SPATA17: variants seen among roughly 807,000 people sequenced by gnomAD.
SPATA17 encodes spermatogenesis-associated protein 17.
SPATA17 carries 53 observed loss-of-function variants against 62.2 expected under a neutral mutation model. The observed-to-expected ratio is 0.85, with a 90% confidence interval of 0.68 to 1.07. SPATA17 has a LOEUF of 1.07. Among genes scored for constraint, SPATA17 ranks in the 50% least tolerant of loss-of-function variants. The probability of loss-of-function intolerance (pLI) is 0.00; values close to 1 mark genes in which losing one functional copy is unlikely to be tolerated. For synonymous variants in SPATA17, 146 were observed against 146.8 expected, an observed-to-expected ratio of 0.99 and a Z score of 0.04; for missense variants, 466 against 425.5, an observed-to-expected ratio of 1.10 and a Z score of -0.84.
At chr1:217,689,382 CGCCCG>C (rs1671296954) in intron 5 of SPATA17, among the ~76,000 whole-genome samples, 1 of 151,804 alleles carries the variant, frequency 6.6e-6, no homozygotes, top group Non-Finnish European at 1.5e-5. Flanking sequence ...TGTGCCACCA[CGCCCG>C]GCTAATTTTC....
At chr1:217,642,049 T>G (rs963126506) in intron 1 of SPATA17, among the ~76,000 whole-genome samples, 1 of 152,170 alleles carries the variant, frequency 6.6e-6, no homozygotes, top group African/African-American at 2.4e-5. Flanking sequence ...ATTTTTCCCC[T>G]TGATTAGATT....
At chr1:217,677,357 A>T (rs1251034474) in intron 4 of SPATA17, among the ~76,000 whole-genome samples, 1 of 152,076 alleles carries the variant, frequency 6.6e-6, no homozygotes, top group African/African-American at 2.4e-5. Flanking sequence ...CAGATATATA[A>T]AGATTCGTCT....
intron 9 of SPATA17, among the ~76,000 whole-genome samples, chr1:217,806,643 G>A (rs1674442079): frequency 6.6e-6 from 1 of 152,132 alleles, no homozygotes; most frequent in African/African-American, 2.4e-5. Flanking sequence ...TGAAGTCCCT[G>A]AGTCCCATCA....
intron 1 of SPATA17, among the ~76,000 whole-genome samples, chr1:217,641,388 T>C (rs4634971): frequency 0.24 from 36,003 of 151,714 alleles, 4,421 homozygotes; most frequent in Middle Eastern, 0.29. Flanking sequence ...ATGTAGCAAA[T>C]TGTGACCCAC....
chr1:217,773,764 A>G (rs1426299060), intron 6 of SPATA17, among the ~76,000 whole-genome samples: 6 of 152,172 alleles, frequency 3.9e-5, no homozygotes. Context: ...ATAGTATTAT[A>G]GCCTATATTA....
intron 5 of SPATA17, among the ~76,000 whole-genome samples, chr1:217,698,579 T>TAAA (rs5780991): frequency 6.9e-6 from 1 of 144,980 alleles, no homozygotes; most frequent in Non-Finnish European, 1.5e-5. Context: ...CATGCAGTTA[T>TAAA]AAAAAAAAAA....
At position 217,774,825 on chromosome 1, in the gene SPATA17, G is replaced by A. The variant is rs529226188; in HGVS notation, c.723+288G>A. Among the ~76,000 whole-genome samples the A allele has an allele frequency of 2.6e-5, 4 of 152,186 alleles. 1 individual carries two copies. The highest frequency in any genetic ancestry group is 9.6e-5 in the African/African-American group (4 of 41,532). On this transcript the variant is annotated intron_variant, in intron 7 of 10. Transcript: ENST00000366933. ...TTCATCTATGTTGCAGAATATGTCCGAATTTCCTTCTTTCTTAAGGCTGAA... is the reference window on the plus strand; with the variant it reads ...TTCATCTATGTTGCAGAATATGTCCAAATTTCCTTCTTTCTTAAGGCTGAA...
chr1:217,709,322 T>C (rs1284876045), intron 5 of SPATA17, among the ~76,000 whole-genome samples: 4 of 152,180 alleles, frequency 2.6e-5, no homozygotes, highest in Non-Finnish European at 5.9e-5. Flanking sequence ...GAAGTCTCTT[T>C]TGAGGTTGTA....
In SPATA17 at chr1:217,870,027, C is replaced by T. The variant is rs1444931185; in HGVS notation, c.*3008C>T. On this transcript the variant is annotated 3_prime_UTR_variant, in exon 11 of 11. Coordinates refer to ENST00000366933, the MANE Select transcript of SPATA17 (RefSeq NM_138796.4). ...TGATGATTGGCTGTATGAAGATTTA[C>T]TATACAATTTTGTGTACTTTTGTAA... is the stretch of plus-strand genomic sequence containing the variant. 1 of 152,112 alleles carries T rather than the reference C, an allele frequency of 6.6e-6. No homozygotes were observed. The highest frequency in any genetic ancestry group is 1.5e-5 in the Non-Finnish European group (1 of 68,020). 9.4% of individuals were successfully genotyped at this position (152,112 alleles called of 1,614,324 possible).
intron 9 of SPATA17, among the ~76,000 whole-genome samples, chr1:217,849,987 C>A (rs571895890): frequency 5.0e-4 from 76 of 152,140 alleles, no homozygotes; most frequent in Middle Eastern, 3.4e-3. Context: ...TGTCTGTTTC[C>A]CAATATAAGT....
At chr1:217,806,487 A>C (rs576822313) in intron 9 of SPATA17, among the ~76,000 whole-genome samples, 3 of 152,158 alleles carry the variant, frequency 2.0e-5, no homozygotes, top group Non-Finnish European at 4.4e-5. Context: ...CTTTCCTTGA[A>C]TAGTGGTCCA....
chr1:217,762,194 C>A (rs1055964714), intron 6 of SPATA17, among the ~76,000 whole-genome samples: 10 of 152,244 alleles, frequency 6.6e-5, no homozygotes, highest in African/African-American at 1.9e-4. Context: ...CCTCAGTAAC[C>A]CCATCCACTT....
intron 4 of SPATA17, among the ~76,000 whole-genome samples, chr1:217,678,205 C>CTTTTTTTT (rs974715757): frequency 1.5e-4 from 16 of 107,546 alleles, no homozygotes; most frequent in South Asian, 3.1e-4. Flanking sequence ...CTTTTCTTTT[C>CTTTTTTTT]TTTTTTTTTT....
intron 3 of SPATA17, among the ~76,000 whole-genome samples, chr1:217,659,437 T>TA (rs1447915129): frequency 1.3e-5 from 2 of 152,200 alleles, no homozygotes; most frequent in Non-Finnish European, 2.9e-5. Flanking sequence ...GTGACTTTTA[T>TA]AAAATAATTT....
chr1:217,855,340 A>G (rs1049113798), intron 9 of SPATA17, among the ~76,000 whole-genome samples: 7 of 152,200 alleles, frequency 4.6e-5, no homozygotes. Context: ...CACTAGCTCT[A>G]TGATAAAACC....
chr1:217,713,983 G>T (rs1671935505), intron 5 of SPATA17, among the ~76,000 whole-genome samples: 1 of 152,158 alleles, frequency 6.6e-6, no homozygotes, highest in African/African-American at 2.4e-5. Context: ...AAAAAAATTT[G>T]CATCCAGCAG....
chr1:217,697,131 C>T (rs1166839642), intron 5 of SPATA17, among the ~76,000 whole-genome samples: 2 of 152,312 alleles, frequency 1.3e-5, no homozygotes, highest in South Asian at 2.1e-4. Flanking sequence ...GCCTCAGCCT[C>T]CTGCGTAGCT....
intron 9 of SPATA17, chr1:217,850,488 T>A (rs1675624565): frequency 6.7e-7 from 1 of 1,496,344 alleles, no homozygotes; most frequent in African/African-American, 1.4e-5. Flanking sequence ...CTCTTCTAGC[T>A]GCATGCCTGC....
chr1:217,816,839 T>C (rs994896319), intron 9 of SPATA17, among the ~76,000 whole-genome samples: 2 of 152,086 alleles, frequency 1.3e-5, no homozygotes, highest in Non-Finnish European at 2.9e-5. Context: ...CATCCTTGTA[T>C]TCCTGGCATA....
Sources: gnomAD v4.1 joint callset for allele counts (sites outside exome capture counted in the v4.1 genomes callset) on GRCh38, gnomAD v4.1.1 for gene constraint, MANE v1.5 for transcripts, NCBI Gene and HGNC (gene_info 2026-07-23, HGNC 2026-07-21) for gene names.